PPP1R1C: variants seen among roughly 807,000 people sequenced by gnomAD.
PPP1R1C encodes the protein protein phosphatase 1 regulatory inhibitor subunit 1C.
A neutral mutation model predicts 17.4 loss-of-function variants in PPP1R1C; 15 were observed. The ratio of observed to expected loss-of-function variants is 0.86; its 90% CI spans 0.58 to 1.33. PPP1R1C has a LOEUF of 1.33. Among genes scored for constraint, PPP1R1C ranks in the 40% most tolerant of loss-of-function variants. PPP1R1C has a pLI of 0.00. For missense variants in PPP1R1C, 143 were observed against 130.0 expected (o/e 1.10, Z -0.48); for synonymous variants, 35 against 43.1 (o/e 0.81, Z 0.73).
intron 4 of PPP1R1C, among the ~76,000 whole-genome samples, chr2:182,070,540 T>C (rs1267391092): frequency 6.6e-6 from 1 of 152,252 alleles, no homozygotes; most frequent in East Asian, 1.9e-4. Flanking sequence ...TTAGATTTTA[T>C]ATTTTAGAAC....
intron 2 of PPP1R1C, among the ~76,000 whole-genome samples, chr2:182,010,357 C>T (rs1574374392): frequency 6.6e-6 from 1 of 151,644 alleles, no homozygotes; most frequent in Non-Finnish European, 1.5e-5. Context: ...TAAGTTTATT[C>T]CCAGGTATTT....
At chr2:182,078,408 C>T (rs1039949173) in intron 4 of PPP1R1C, among the ~76,000 whole-genome samples, 1 of 152,078 alleles carries the variant, frequency 6.6e-6, no homozygotes, top group African/African-American at 2.4e-5. Flanking sequence ...CCAAAGTGAG[C>T]TTCATGAGTC....
intron 4 of PPP1R1C, among the ~76,000 whole-genome samples, chr2:182,085,302 A>C (rs1159469613): frequency 2.6e-5 from 4 of 151,746 alleles, no homozygotes; most frequent in Non-Finnish European, 5.9e-5. Flanking sequence ...GGTAAAACTT[A>C]TTTTTTTCTT....
chr2:181,954,877 C>A (rs182050251), intron 1 of PPP1R1C, among the ~76,000 whole-genome samples: 2 of 152,166 alleles, frequency 1.3e-5, no homozygotes, highest in Admixed American at 6.5e-5. Flanking sequence ...TGTCTCCATA[C>A]ATAAATATTT....
chr2:182,002,931 C>CG (rs1215367302), intron 2 of PPP1R1C, among the ~76,000 whole-genome samples: 8 of 55,248 alleles, frequency 1.4e-4, no homozygotes, highest in South Asian at 6.3e-4. Flanking sequence ...CCATAAACCT[C>CG]CCCCCCCCCA....
At chr2:181,979,152 A>T (rs539493719) in intron 2 of PPP1R1C, among the ~76,000 whole-genome samples, 1 of 152,352 alleles carries the variant, frequency 6.6e-6, no homozygotes, top group African/African-American at 2.4e-5. Context: ...CCATCTAGAT[A>T]ACATACTTGG....
intron 1 of PPP1R1C, among the ~76,000 whole-genome samples, chr2:181,964,613 C>T (rs1684874176): frequency 6.6e-6 from 1 of 152,178 alleles, no homozygotes; most frequent in African/African-American, 2.4e-5. Flanking sequence ...TGTTTTGCTA[C>T]ATCTTCAATA....
In PPP1R1C at chr2:181,962,387, C is replaced by T; in HGVS notation, n.111+7753C>T. 1.2e-6 allele frequency: 1 copy of T among 808,184 alleles called. No individual in the cohort carries two copies. 50.1% of individuals were successfully genotyped at this position (808,184 alleles called of 1,614,324 possible). ...GGCGCCTGCATAGACGCTGGCCATG[C>T]AGCTGGCCGGCCGGGCGCCGTAGTT... On this transcript the variant is annotated intron_variant and non_coding_transcript_variant, in intron 1 of 5. Transcript: ENST00000464264. This position sits in a 1 kb window ranked among gnomAD's most constrained non-coding sequence, Gnocchi z 6.0.
rs1262122500 is a variant in PPP1R1C, at chr2:182,117,701, G to T, written c.*406G>T. The T allele has an allele frequency of 6.4e-6, 1 of 156,562 alleles. No homozygotes were observed. The highest frequency in any genetic ancestry group is 1.4e-5 in the Non-Finnish European group (1 of 71,210). 9.7% of individuals were successfully genotyped at this position (156,562 alleles called of 1,614,324 possible). A position where few individuals can be genotyped will look rare whatever the true frequency, so the allele number is the denominator to read the frequency against. On this transcript the variant is annotated 3_prime_UTR_variant, in exon 5 of 5. Transcript: ENST00000682840. ...AACACATTTAGACATGAGTGTGTGT[G>T]TGTGTGTGTGTGGGTTTAGCTTAAA...
At chr2:182,050,280 C>A (rs1368231765) in intron 2 of PPP1R1C, among the ~76,000 whole-genome samples, 1 of 152,216 alleles carries the variant, frequency 6.6e-6, no homozygotes, top group Admixed American at 6.5e-5. Flanking sequence ...CACAGCCAGG[C>A]TGTCAGTGGC....
intron 2 of PPP1R1C, among the ~76,000 whole-genome samples, chr2:181,999,251 C>A (rs1438676162): frequency 6.6e-6 from 1 of 152,118 alleles, no homozygotes; most frequent in African/African-American, 2.4e-5. Flanking sequence ...GAAAAACATA[C>A]CAACTCAAAA....
chr2:181,986,963 A>T (rs1685316184), intron 1 of PPP1R1C, among the ~76,000 whole-genome samples: 1 of 152,194 alleles, frequency 6.6e-6, no homozygotes, highest in Admixed American at 6.5e-5. Flanking sequence ...TTTTCCAAGT[A>T]TTTGATATAA....
rs1468799905 is a variant in PPP1R1C at position 181,962,579 on chromosome 2, A to G, written n.111+7945A>G. The G allele has an allele frequency of 2.0e-6, 1 of 496,390 alleles. No homozygotes were observed. The highest frequency in any genetic ancestry group is 3.6e-6 in the Non-Finnish European group (1 of 276,854). The allele number at this position is 496,390 out of a possible 1,614,324, so 30.7% of individuals were successfully genotyped here. A position where few individuals can be genotyped will look rare whatever the true frequency, so the allele number is the denominator to read the frequency against. ...CAGAGAAACATCAAGCTCAGATCGAACAAAGCAAAGAGCGGGAGGGGCCCT... is the reference window on the plus strand; with the variant it reads ...CAGAGAAACATCAAGCTCAGATCGAGCAAAGCAAAGAGCGGGAGGGGCCCT... On this transcript the variant is annotated intron_variant and non_coding_transcript_variant, in intron 1 of 5. Coordinates refer to the PPP1R1C transcript ENST00000464264. The surrounding 1 kb of genome is among the most constrained non-coding windows in gnomAD (Gnocchi z 6.0).
At chr2:182,126,664 C>T (rs1481577688) in intron 5 of PPP1R1C, among the ~76,000 whole-genome samples, 1 of 151,912 alleles carries the variant, frequency 6.6e-6, no homozygotes, top group Non-Finnish European at 1.5e-5. Flanking sequence ...ATGATAGGTG[C>T]CTGATGACAT....
chr2:181,987,289 A>C (rs191048608), intron 1 of PPP1R1C, among the ~76,000 whole-genome samples: 2 of 152,300 alleles, frequency 1.3e-5, no homozygotes, highest in Admixed American at 1.3e-4. Flanking sequence ...AGAGTTTGTA[A>C]TAAGTTGCAT....
chr2:182,124,480 CT>C (rs1689826031), intron 5 of PPP1R1C, among the ~76,000 whole-genome samples: 1 of 151,172 alleles, frequency 6.6e-6, no homozygotes, highest in East Asian at 2.0e-4. Context: ...CTATAAATTA[CT>C]TTGGGCAGTA....
chr2:181,982,051 T>A (rs1224817905), upstream of PPP1R1C, among the ~76,000 whole-genome samples: 1 of 152,202 alleles, frequency 6.6e-6, no homozygotes, highest in Non-Finnish European at 1.5e-5. Flanking sequence ...TCAAGATTCA[T>A]GAATTCAAGA....
intron 4 of PPP1R1C, among the ~76,000 whole-genome samples, chr2:182,079,384 A>T (rs1688406249): frequency 6.6e-6 from 1 of 152,206 alleles, no homozygotes; most frequent in Admixed American, 6.5e-5. Flanking sequence ...CCTTCAGGTA[A>T]TGCTGCGCTG....
In PPP1R1C at chr2:181,998,536, A is replaced by G. The variant is rs149158271; in HGVS notation, c.142+10637A>G. 4.6e-4 allele frequency among the ~76,000 whole-genome samples: 70 copies of G among 152,346 alleles called. No homozygotes were observed. The East Asian group carries it at 0.013, about 29-fold the overall frequency. On this transcript the variant is annotated intron_variant, in intron 2 of 4. Coordinates refer to ENST00000682840, the MANE Select transcript of PPP1R1C (RefSeq NM_001080545.3). ...AATAAGTCAGCCATTATAGAATCTTATTACACAAATTGTTGACAACTGCAC... is the reference window on the plus strand; with the variant it reads ...AATAAGTCAGCCATTATAGAATCTTGTTACACAAATTGTTGACAACTGCAC...
Sources: allele counts gnomAD v4.1 joint callset (sites outside exome capture counted in the v4.1 genomes callset), GRCh38; gene constraint gnomAD v4.1.1; non-coding constraint Gnocchi (gnomAD v3.1); transcripts MANE v1.5; gene names NCBI Gene and HGNC (gene_info 2026-07-23, HGNC 2026-07-21).